Variants in NF2 observed in about 807,000 individuals in gnomAD.
NF2 encodes NF2, moesin-ezrin-radixin like (MERLIN) tumor suppressor.
NF2 carries 8 observed loss-of-function variants against 83.7 expected under a neutral mutation model. The ratio of observed to expected loss-of-function variants is 0.10; its 90% CI spans 0.06 to 0.17. NF2 has a LOEUF of 0.17. NF2 is among the 10% of genes least tolerant of loss of function. The pLI is 1.00. For missense variants in NF2, 533 were observed against 744.4 expected, an observed-to-expected ratio of 0.72 and a Z score of 3.31; for synonymous variants, 266 against 269.6, an observed-to-expected ratio of 0.99 and a Z score of 0.13.
At chr22:29,608,050 G>A (rs1276660493) in intron 1 of NF2, among the ~76,000 whole-genome samples, 3 of 150,726 alleles carry the variant, frequency 2.0e-5, no homozygotes, top group Non-Finnish European at 4.4e-5. Flanking sequence ...GCCGGCACCT[G>A]TAGTCCCAGC....
chr22:29,637,024 C>T (rs1013130111), intron 2 of NF2, 148 bp downstream of exon 2: 7 of 1,165,962 alleles, frequency 6.0e-6, no homozygotes, highest in South Asian at 2.6e-5. Context: ...GAAAGCAGGA[C>T]GTAGAGATGC....
rs58113244 is a variant in NF2, at chr22:29,651,266, C to T, written c.448-3391C>T. Among the ~76,000 whole-genome samples, 244 of 152,218 alleles carry T rather than the reference C, an allele frequency of 1.6e-3. 3 individuals carry two copies. The South Asian group carries it at 0.023, about 14-fold the overall frequency. On this transcript the variant is annotated intron_variant, in intron 4 of 15. Coordinates refer to ENST00000338641, the MANE Select transcript of NF2 (RefSeq NM_000268.4). ...AAATTATTTCATATCCAGATAGAGC[C>T]TCCGTTTAACCTAAGTATTGGCTCC...
Position 29,681,609 on chromosome 22 carries a change from G to T in NF2, c.1737+8G>T. 1 of 1,613,842 alleles carries T rather than the reference G, an allele frequency of 6.2e-7. No homozygotes were observed. Among genetic ancestry groups the T allele is most frequent in the Non-Finnish European group, 8.5e-7 (1 of 1,179,942 alleles). ...CACAATACCATTAAAAAGGTACCCA[G>T]GGTCTCTTTCTTGTATTTTGCTGAT... On this transcript the variant is annotated splice_region_variant and intron_variant, in intron 15 of 15. Coordinates refer to ENST00000338641, the MANE Select transcript of NF2 (RefSeq NM_000268.4).
At chr22:29,641,693 GTTGAA>G (rs1222461063) in intron 3 of NF2, among the ~76,000 whole-genome samples, 1 of 152,210 alleles carries the variant, frequency 6.6e-6, no homozygotes, top group African/African-American at 2.4e-5. Flanking sequence ...GTACTTAAAA[GTTGAA>G]TCGATCAAAT....
chr22:29,636,641 G>C lies in NF2; in HGVS notation c.115-110G>C. 7.3e-7 allele frequency: 1 copy of C among 1,374,528 alleles called. No individual in the cohort carries two copies. Among genetic ancestry groups the C allele is most frequent in the Non-Finnish European group, 1.0e-6 (1 of 972,052 alleles). 85.1% of individuals were successfully genotyped at this position (1,374,528 alleles called of 1,614,324 possible). ...TTTAGGAATTCAGTCCTCATCAGCT[G>C]TCTTAGTGTCATCCCCACGTTTTGG... is the stretch of plus-strand genomic sequence containing the variant. On this transcript the variant is annotated intron_variant, in intron 1 of 15. Transcript: ENST00000338641. The surrounding 1 kb of genome is among the most constrained non-coding windows in gnomAD (Gnocchi z 4.4).
At chr22:29,672,592 G>A (rs1468787504) in intron 11 of NF2, among the ~76,000 whole-genome samples, 1 of 150,942 alleles carries the variant, frequency 6.6e-6, no homozygotes, top group Admixed American at 6.6e-5. Flanking sequence ...GATTATAGGT[G>A]TTAGCCACCG....
At chr22:29,607,058 T>C (rs952736673) in intron 1 of NF2, among the ~76,000 whole-genome samples, 1 of 152,040 alleles carries the variant, frequency 6.6e-6, no homozygotes, top group African/African-American at 2.4e-5. Context: ...AAACAAAACA[T>C]TGACCACAGA....
chr22:29,607,807 G>C (rs1199438768), intron 1 of NF2, among the ~76,000 whole-genome samples: 2 of 152,050 alleles, frequency 1.3e-5, no homozygotes, highest in Non-Finnish European at 2.9e-5. Context: ...TGACACTGTT[G>C]CATCAATTAA....
chr22:29,627,538 A>G (rs1439942820), intron 1 of NF2, among the ~76,000 whole-genome samples: 3 of 152,144 alleles, frequency 2.0e-5, no homozygotes, highest in Non-Finnish European at 4.4e-5. Context: ...GAGATTTACA[A>G]ATGAAGAAAC....
intron 14 of NF2, among the ~76,000 whole-genome samples, chr22:29,680,107 C>A (rs2067083439): frequency 6.6e-6 from 1 of 151,322 alleles, no homozygotes; most frequent in South Asian, 2.1e-4. Context: ...AAGGCCCCAC[C>A]TCCTGACACT....
intron 1 of NF2, among the ~76,000 whole-genome samples, chr22:29,611,408 T>C (rs1218091958): frequency 1.3e-5 from 2 of 151,934 alleles, no homozygotes; most frequent in Non-Finnish European, 2.9e-5. Context: ...ATACCTATAA[T>C]TGTAGCTACT....
At chr22:29,652,578 C>T (rs1042506312) in intron 4 of NF2, among the ~76,000 whole-genome samples, 12 of 152,222 alleles carry the variant, frequency 7.9e-5, no homozygotes, top group African/African-American at 1.2e-4. Flanking sequence ...GCTGGGATTA[C>T]AGGTGTGAGC....
At chr22:29,642,174 A>G (rs1163020986) in intron 3 of NF2, 28 bp from the exon 4 acceptor site, 8 of 1,583,742 alleles carry the variant, frequency 5.1e-6, no homozygotes, top group South Asian at 2.2e-5. Context: ...CTCACAGAGT[A>G]TCATGTCTCC....
rs2067496014 is a variant in NF2 at position 29,694,678 on chromosome 22, A to G, written c.1738-74A>G. Reference sequence around the variant, plus strand: ...CCCAGCCACCTTTGAGGTGAGTCCAAGTGGCAGGACAGGACCCTGTGTGAC... The same window carrying G: ...CCCAGCCACCTTTGAGGTGAGTCCAGGTGGCAGGACAGGACCCTGTGTGAC... On this transcript the variant is annotated intron_variant, in intron 15 of 15. Coordinates refer to ENST00000338641, the MANE Select transcript of NF2 (RefSeq NM_000268.4). This position sits in a 1 kb window ranked among gnomAD's most constrained non-coding sequence, Gnocchi z 4.1. 2.0e-6 allele frequency: 3 copies of G among 1,504,546 alleles called. No individual in the cohort carries two copies. In the East Asian group the frequency reaches 7.0e-5, roughly 35 times the overall value. The allele number at this position is 1,504,546 out of a possible 1,614,324, so 93.2% of individuals were successfully genotyped here.
At chr22:29,682,889 A>G in intron 15 of NF2, 1 of 1,101,096 alleles carries the variant, frequency 9.1e-7, no homozygotes, top group Non-Finnish European at 1.4e-6. Flanking sequence ...CCCCGTTCCA[A>G]GCCATTAAAA....
At chr22:29,618,176 G>T (rs1250444762) in intron 1 of NF2, among the ~76,000 whole-genome samples, 1 of 152,222 alleles carries the variant, frequency 6.6e-6, no homozygotes, top group South Asian at 2.1e-4. Flanking sequence ...TCTGTTGAAA[G>T]TAATCATAGT....
intron 7 of NF2, among the ~76,000 whole-genome samples, chr22:29,660,520 G>T (rs930459137): frequency 6.6e-6 from 1 of 152,154 alleles, no homozygotes; most frequent in African/African-American, 2.4e-5. Flanking sequence ...TTTCTTCCTA[G>T]TAGTCCAACA....
chr22:29,606,528 CAGAT>C (rs2146676309), intron 1 of NF2, among the ~76,000 whole-genome samples: 2 of 152,346 alleles, frequency 1.3e-5, no homozygotes, highest in East Asian at 3.9e-4. Context: ...GGCCCTAAAA[CAGAT>C]AGCTCCTAAT....
At chr22:29,610,971 C>T (rs2064937735) in intron 1 of NF2, among the ~76,000 whole-genome samples, 1 of 152,018 alleles carries the variant, frequency 6.6e-6, no homozygotes, top group African/African-American at 2.4e-5. Flanking sequence ...AATTATATAC[C>T]ATAAACAAGC....
Sources: gnomAD v4.1 joint callset for allele counts (sites outside exome capture counted in the v4.1 genomes callset) on GRCh38, gnomAD v4.1.1 for gene constraint, Gnocchi (gnomAD v3.1) non-coding constraint, MANE v1.5 for transcripts, NCBI Gene and HGNC (gene_info 2026-07-23, HGNC 2026-07-21) for gene names.